Variants in DIP2C observed in about 807,000 individuals in gnomAD.
The protein encoded by DIP2C is DIP2 acetate--CoA ligase C (putative).
Under a neutral mutation model 192.4 loss-of-function variants are expected in DIP2C, and 33 were observed. The observed-to-expected ratio is 0.17, with a 90% CI of 0.13 to 0.23. DIP2C has a LOEUF of 0.23. DIP2C is among the 10% of genes least tolerant of loss of function. The probability of loss-of-function intolerance (pLI) is 1.00; values close to 1 mark genes in which losing one functional copy is unlikely to be tolerated. For synonymous variants in DIP2C, 979 were observed against 864.1 expected (o/e 1.13, Z -2.33); for missense variants, 1,537 against 2,110.1 (o/e 0.73, Z 5.32).
chr10:337,129 G>GGT (rs1957841615), intron 29 of DIP2C, among the ~76,000 whole-genome samples: 1 of 16,374 alleles, frequency 6.1e-5, no homozygotes, highest in African/African-American at 1.3e-4. Flanking sequence ...GGCCTAGGCA[G>GGT]CTGTGTGTGT....
chr10:583,926 CAGA>C (rs375033213), intron 1 of DIP2C, among the ~76,000 whole-genome samples: 113 of 152,298 alleles, frequency 7.4e-4, no homozygotes, highest in African/African-American at 2.5e-3. Flanking sequence ...TGTAATGACG[CAGA>C]AGGAGAGCAG....
At chr10:448,232 G>C (rs1162370164) in intron 3 of DIP2C, among the ~76,000 whole-genome samples, 1 of 130,584 alleles carries the variant, frequency 7.7e-6, no homozygotes, top group Non-Finnish European at 1.5e-5. Context: ...TCAATAATCA[G>C]GATCACACAC....
chr10:612,435 A>T (rs1349895764), intron 1 of DIP2C, among the ~76,000 whole-genome samples: 1 of 152,218 alleles, frequency 6.6e-6, no homozygotes, highest in African/African-American at 2.4e-5. Flanking sequence ...AGATGGAAAG[A>T]AGTTCCCCAA....
intron 1 of DIP2C, among the ~76,000 whole-genome samples, chr10:657,912 A>C (rs1023253197): frequency 4.0e-3 from 286 of 71,264 alleles, no homozygotes; most frequent in Non-Finnish European, 4.4e-3. Context: ...TGGACCTGCC[A>C]CTGGACCTGT....
At chr10:317,214 C>T (rs7919911) in intron 31 of DIP2C, among the ~76,000 whole-genome samples, 1 of 152,210 alleles carries the variant, frequency 6.6e-6, no homozygotes, top group East Asian at 1.9e-4. Context: ...GAATGGATTA[C>T]TGGTGGGGTG....
chr10:434,209 TATGA>T (rs1287289254), intron 4 of DIP2C, among the ~76,000 whole-genome samples: 2 of 152,370 alleles, frequency 1.3e-5, no homozygotes, highest in South Asian at 2.1e-4. Context: ...CTGTCGCTAT[TATGA>T]ATGAACTGTT....
intron 1 of DIP2C, among the ~76,000 whole-genome samples, chr10:564,827 G>A (rs1333615380): frequency 6.6e-6 from 1 of 152,086 alleles, no homozygotes; most frequent in Non-Finnish European, 1.5e-5. Context: ...CATAACACGT[G>A]AGCAGAAACT....
At chr10:569,984 C>A (rs548212725) in intron 1 of DIP2C, among the ~76,000 whole-genome samples, 1 of 152,226 alleles carries the variant, frequency 6.6e-6, no homozygotes, top group South Asian at 2.1e-4. Context: ...GTTTTAGGGT[C>A]CTATCAGCTC....
chr10:669,762 A>G (rs1490180398), intron 1 of DIP2C, among the ~76,000 whole-genome samples: 1 of 152,244 alleles, frequency 6.6e-6, no homozygotes, highest in Non-Finnish European at 1.5e-5. Flanking sequence ...AATCATAAAT[A>G]TGCAAAAGTG....
chr10:634,311 C>T (rs917280484), intron 1 of DIP2C, among the ~76,000 whole-genome samples: 4 of 152,182 alleles, frequency 2.6e-5, no homozygotes, highest in African/African-American at 2.4e-5. Flanking sequence ...AGTTTTCTGG[C>T]GGTTTGTTAC....
chr10:518,563 C>T (rs1846506429), intron 1 of DIP2C, among the ~76,000 whole-genome samples: 1 of 152,144 alleles, frequency 6.6e-6, no homozygotes, highest in African/African-American at 2.4e-5. Flanking sequence ...CCCAGCAACT[C>T]TCTTGCCCTC....
chr10:568,005 A>G (rs947338271), intron 1 of DIP2C, among the ~76,000 whole-genome samples: 37 of 152,166 alleles, frequency 2.4e-4, no homozygotes, highest in Admixed American at 2.3e-3. Context: ...AGCTTCCCAC[A>G]CCGACTACAA....
intron 10 of DIP2C, among the ~76,000 whole-genome samples, chr10:396,904 T>C (rs1964036283): frequency 6.6e-6 from 1 of 151,798 alleles, no homozygotes; most frequent in Non-Finnish European, 1.5e-5. Context: ...CAGACTCCCC[T>C]GCCTCTGCCA....
chr10:400,750 T>C lies in DIP2C; in HGVS notation c.1150-1531A>G, dbSNP rs138045465. ...GTAGCATTAGCATTACTCTTCTTTA[T>C]GGACAAGTTTGGTAATCCTGTGATT... is the stretch of plus-strand genomic sequence containing the variant. On this transcript the variant is annotated intron_variant, in intron 9 of 36. Transcript: ENST00000280886. Among the ~76,000 whole-genome samples, 699 of 151,918 alleles carry C rather than the reference T, an allele frequency of 4.6e-3. 9 individuals are homozygous for C. Among genetic ancestry groups the C allele is most frequent in the African/African-American group, 0.016 (672 of 41,334 alleles).
chr10:553,813 C>G (rs547155218), intron 1 of DIP2C, among the ~76,000 whole-genome samples: 1 of 151,460 alleles, frequency 6.6e-6, no homozygotes, highest in African/African-American at 2.4e-5. Context: ...GTAAGAGTGG[C>G]GAACAGGCAA....
chr10:281,060 A>G, intron 36 of DIP2C, 140 bp downstream of exon 36: 1 of 1,225,550 alleles, frequency 8.2e-7, no homozygotes, highest in Non-Finnish European at 1.1e-6. Context: ...CCCAAAAGAT[A>G]AAGATTTATA....
At chr10:660,352 C>T (rs1252629994) in intron 1 of DIP2C, among the ~76,000 whole-genome samples, 3 of 150,204 alleles carry the variant, frequency 2.0e-5, no homozygotes, top group East Asian at 1.9e-4. Context: ...GATCCTAGCC[C>T]TTGTCCCTGT....
chr10:433,394 G>T (rs1488069483), intron 4 of DIP2C, among the ~76,000 whole-genome samples: 1 of 152,136 alleles, frequency 6.6e-6, no homozygotes, highest in Non-Finnish European at 1.5e-5. Context: ...TAAAATTAGT[G>T]TTGGCTGGGC....
intron 1 of DIP2C, among the ~76,000 whole-genome samples, chr10:634,011 C>T (rs1854684063): frequency 1.3e-5 from 2 of 152,210 alleles, no homozygotes; most frequent in Admixed American, 6.5e-5. Flanking sequence ...AGCCTGTTGT[C>T]CCCCTCCAGC....
Sources: gnomAD v4.1 joint callset for allele counts (sites outside exome capture counted in the v4.1 genomes callset) on GRCh38, gnomAD v4.1.1 for gene constraint, MANE v1.5 for transcripts, NCBI Gene and HGNC (gene_info 2026-07-23, HGNC 2026-07-21) for gene names.